Variants in BANF2 observed in about 807,000 individuals in gnomAD.
BANF2 encodes BANF family member 2, also known as barrier-to-autointegration factor-like protein.
In BANF2, 4 loss-of-function variants were observed where a neutral mutation model predicts 8.0. That is an observed-to-expected ratio of 0.50 (90% CI 0.25 to 1.14). BANF2 has a LOEUF of 1.14. BANF2 is among the 50% of genes most tolerant of loss of function. The pLI, the probability that BANF2 is intolerant of heterozygous loss-of-function variation, is 0.16. For synonymous variants in BANF2, 50 were observed against 40.6 expected (o/e 1.23, Z -0.88); for missense variants, 96 against 107.5 (o/e 0.89, Z 0.47).
In BANF2 at chr20:17,735,533, G is replaced by C. The variant is rs547136363; in HGVS notation, c.127-132G>C. 3 of 1,063,208 alleles carry C rather than the reference G, an allele frequency of 2.8e-6. No individual in the cohort carries two copies. In the African/African-American group the frequency reaches 4.7e-5, roughly 17 times the overall value. The allele number at this position is 1,063,208 out of a possible 1,614,324, so 65.9% of individuals were successfully genotyped here. A position where few individuals can be genotyped will look rare whatever the true frequency, so the allele number is the denominator to read the frequency against. On this transcript the variant is annotated intron_variant, in intron 3 of 3. Coordinates refer to ENST00000246090, the MANE Select transcript of BANF2 (RefSeq NM_178477.5). The stretch of plus-strand genomic sequence containing the variant: ...ATGTCAGGGCTTCAAGGACTGACAG[G>C]CTCCCTTGAATCGGCCCTGCTCCCC...
chr20:17,725,255 G>C lies in BANF2; in HGVS notation c.126+104G>C. The C allele has an allele frequency of 2.8e-6, 4 of 1,408,022 alleles. No homozygotes were observed. In the South Asian group the frequency reaches 3.8e-5, roughly 14 times the overall value. The allele number at this position is 1,408,022 out of a possible 1,614,324, so 87.2% of individuals were successfully genotyped here. On this transcript the variant is annotated intron_variant, in intron 3 of 3. Transcript: ENST00000246090. Reference sequence around the variant, plus strand: ...CACGTGTCCCTGTGAAGGGCCATCAGAGAGCAAAGCTGCCGCTTGGCGGGG... The same window carrying C: ...CACGTGTCCCTGTGAAGGGCCATCACAGAGCAAAGCTGCCGCTTGGCGGGG...
intron 3 of BANF2, among the ~76,000 whole-genome samples, chr20:17,730,340 A>T (rs1021240917): frequency 2.6e-5 from 4 of 152,168 alleles, no homozygotes; most frequent in Non-Finnish European, 4.4e-5. Flanking sequence ...CAGGGTCTGG[A>T]CACCAAGTCA....
chr20:17,731,841 C>A (rs1276112213), intron 3 of BANF2, among the ~76,000 whole-genome samples: 6 of 148,770 alleles, frequency 4.0e-5, no homozygotes, highest in Non-Finnish European at 7.4e-5. Flanking sequence ...CCGAGGCGGG[C>A]AGATCACGAG....
chr20:17,709,611 A>T (rs1376103818), intron 1 of BANF2, among the ~76,000 whole-genome samples: 1 of 152,140 alleles, frequency 6.6e-6, no homozygotes, highest in East Asian at 1.9e-4. Flanking sequence ...AGAGGAAGTC[A>T]GTCCAAAGCT....
intron 1 of BANF2, among the ~76,000 whole-genome samples, chr20:17,702,818 T>C (rs2037428524): frequency 1.3e-5 from 2 of 152,218 alleles, no homozygotes; most frequent in Admixed American, 1.3e-4. Flanking sequence ...CACGGGAATA[T>C]TCTGTCTCTG....
At chr20:17,712,294 C>T (rs1326294598) in intron 1 of BANF2, 1 of 152,666 alleles carries the variant, frequency 6.6e-6, no homozygotes, top group East Asian at 1.9e-4. Context: ...CATCTTCGGC[C>T]CTATCTTGCC....
rs566980954 is a variant in BANF2 at position 17,694,448 on chromosome 20, G to A, written c.18+742G>A. On this transcript the variant is annotated intron_variant, in intron 1 of 2. Coordinates refer to the BANF2 transcript ENST00000545418. ...TGTTCGACAATCTTAGGAACTGAGT[G>A]GAAGCTGGTGAGGAAGTAGTGCTCA... Among the ~76,000 whole-genome samples the A allele has an allele frequency of 3.9e-5, 6 of 152,208 alleles. 1 individual carries two copies. Among genetic ancestry groups the A allele is most frequent in the African/African-American group, 1.4e-4 (6 of 41,512 alleles).
At chr20:17,723,303 G>C (rs990002698) in intron 2 of BANF2, among the ~76,000 whole-genome samples, 1 of 152,186 alleles carries the variant, frequency 6.6e-6, no homozygotes, top group Non-Finnish European at 1.5e-5. Context: ...TTTGTTGGGG[G>C]CCCCTAGGAA....
chr20:17,694,097 T>A (rs1284865790), intron 1 of BANF2, among the ~76,000 whole-genome samples: 2 of 152,234 alleles, frequency 1.3e-5, no homozygotes, highest in African/African-American at 4.8e-5. Context: ...TACTTGTTCG[T>A]TCATTCAGTA....
At chr20:17,728,043 C>T (rs553192043) in intron 3 of BANF2, among the ~76,000 whole-genome samples, 3 of 152,294 alleles carry the variant, frequency 2.0e-5, no homozygotes, top group Admixed American at 2.0e-4. Flanking sequence ...ATTTTCATAC[C>T]TTGCCTGCAG....
intron 1 of BANF2, among the ~76,000 whole-genome samples, chr20:17,717,559 G>T (rs1463168760): frequency 6.6e-6 from 1 of 152,024 alleles, no homozygotes; most frequent in Non-Finnish European, 1.5e-5. Flanking sequence ...TCCCTATATG[G>T]TCATTAGGGT....
chr20:17,696,151 T>C (rs1368879206), upstream of BANF2, among the ~76,000 whole-genome samples: 1 of 152,188 alleles, frequency 6.6e-6, no homozygotes, highest in Non-Finnish European at 1.5e-5. Flanking sequence ...TGCACAAATC[T>C]TTTTATGGAC....
chr20:17,696,369 G>A (rs34465726), upstream of BANF2, among the ~76,000 whole-genome samples: 10,440 of 152,090 alleles, frequency 0.069, 493 homozygotes, highest in Non-Finnish European at 0.11. Context: ...TATAGGGTAG[G>A]TCTTTATGTT....
intron 1 of BANF2, among the ~76,000 whole-genome samples, chr20:17,719,688 A>T (rs1431670399): frequency 7.5e-5 from 4 of 53,202 alleles, no homozygotes; most frequent in African/African-American, 2.9e-4. Context: ...TTTTTTAATT[A>T]AAAAAAAAAA....
chr20:17,726,668 A>G (rs993980477), intron 3 of BANF2, among the ~76,000 whole-genome samples: 1 of 152,110 alleles, frequency 6.6e-6, no homozygotes, highest in African/African-American at 2.4e-5. Flanking sequence ...CAAAATTCCA[A>G]ATGGTTCTCT....
chr20:17,731,317 G>A (rs2037890566), intron 3 of BANF2: 1 of 152,156 alleles, frequency 6.6e-6, no homozygotes, highest in African/African-American at 2.4e-5. Context: ...GAAATGACAT[G>A]AAGACTTAGG....
At chr20:17,716,747 G>A (rs1308657484) in intron 1 of BANF2, among the ~76,000 whole-genome samples, 7 of 150,106 alleles carry the variant, frequency 4.7e-5, no homozygotes, top group Non-Finnish European at 7.4e-5. Context: ...AGGCTGAGAC[G>A]GGAGAATCTC....
chr20:17,729,505 GT>G, intron 3 of BANF2, among the ~76,000 whole-genome samples: 1 of 152,240 alleles, frequency 6.6e-6, no homozygotes, highest in Non-Finnish European at 1.5e-5. Flanking sequence ...GGGAGGCCAG[GT>G]CAGGCAGATC....
chr20:17,707,704 C>G (rs1291719912), intron 1 of BANF2, among the ~76,000 whole-genome samples: 1 of 151,922 alleles, frequency 6.6e-6, no homozygotes, highest in Non-Finnish European at 1.5e-5. Context: ...CTCAGCTTCC[C>G]GAGTAGCTGG....
Sources: gnomAD v4.1 joint callset for allele counts (sites outside exome capture counted in the v4.1 genomes callset) on GRCh38, gnomAD v4.1.1 for gene constraint, MANE v1.5 for transcripts, NCBI Gene and HGNC (gene_info 2026-07-23, HGNC 2026-07-21) for gene names.